KCTD3: variants seen among roughly 807,000 people sequenced by gnomAD.
KCTD3 encodes the protein BTB/POZ domain-containing protein KCTD3.
In KCTD3, 41 loss-of-function variants were observed where a neutral mutation model predicts 85.8. The observed-to-expected ratio is 0.48, with a 90% CI of 0.37 to 0.62. KCTD3 has a LOEUF of 0.62. Among genes scored for constraint, KCTD3 ranks in the 20% least tolerant of loss-of-function variants. KCTD3 has a pLI of 0.00. For missense variants in KCTD3, 724 were observed against 989.9 expected (o/e 0.73, Z 3.60); for synonymous variants, 338 against 345.4 (o/e 0.98, Z 0.24).
chr1:215,596,731 T>C (rs778198792), intron 10 of KCTD3, among the ~76,000 whole-genome samples: 3 of 152,156 alleles, frequency 2.0e-5, no homozygotes, highest in African/African-American at 4.8e-5. Context: ...ATCCAAGTGA[T>C]AGCTTAAGGA....
intron 9 of KCTD3, 108 bp from the exon 10 acceptor site, chr1:215,595,248 A>G: frequency 2.9e-6 from 2 of 686,020 alleles, no homozygotes. Flanking sequence ...CATAGTTTGT[A>G]GTAATGAGAA....
chr1:215,606,670 T>G (rs1333131766), intron 13 of KCTD3, among the ~76,000 whole-genome samples: 1 of 152,026 alleles, frequency 6.6e-6, no homozygotes, highest in East Asian at 1.9e-4. Flanking sequence ...ACATCAGATA[T>G]TTCATGTAGG....
Position 215,567,754 on chromosome 1 carries a change from C to T in KCTD3, c.69C>T (p.Asn23=). Residue 23 remains asparagine (N), a synonymous_variant, in exon 1 of 18, where the codon AAC becomes AAT. Transcript: ENST00000259154. ...AAGSGEIVQL[N]VGGTRFSTSR... is the part of the protein sequence containing the mutation. ...GCAGCGGCGAGATCGTCCAACTGAA[C>T]GTAGGGGGGACCAGGTGAGTCGGCG... is the stretch of plus-strand genomic sequence containing the variant. 5 of 1,244,850 alleles carry T rather than the reference C, an allele frequency of 4.0e-6. No individual in the cohort carries two copies. Among genetic ancestry groups the T allele is most frequent in the Non-Finnish European group, 5.1e-6 (5 of 988,246 alleles). The allele number at this position is 1,244,850 out of a possible 1,614,324, so 77.1% of individuals were successfully genotyped here.
At chr1:215,595,778 A>T (rs987799398) in intron 10 of KCTD3, among the ~76,000 whole-genome samples, 1 of 152,330 alleles carries the variant, frequency 6.6e-6, no homozygotes, top group Non-Finnish European at 1.5e-5. Flanking sequence ...AGGAGCACAG[A>T]TCTGTGTGAA....
Position 215,572,118 on chromosome 1 carries a change from C to G in KCTD3, c.84-1668C>G, listed in dbSNP as rs539161617. The stretch of plus-strand genomic sequence containing the variant: ...ATCTGTGTGTCAACACCAGTGTATT[C>G]TGAAAGTGCTCTGTTGTAACCATAA... On this transcript the variant is annotated intron_variant, in intron 1 of 17. Coordinates refer to ENST00000259154, the MANE Select transcript of KCTD3 (RefSeq NM_016121.5). 2.6e-5 allele frequency among the ~76,000 whole-genome samples: 4 copies of G among 152,288 alleles called. No individual in the cohort carries two copies. In the South Asian group the frequency reaches 8.3e-4, roughly 32 times the overall value.
intron 13 of KCTD3, among the ~76,000 whole-genome samples, chr1:215,606,858 A>G (rs1197140395): frequency 6.6e-6 from 1 of 152,000 alleles, no homozygotes; most frequent in Non-Finnish European, 1.5e-5. Context: ...GATAATGACT[A>G]ATATTAGCAA....
intron 1 of KCTD3, among the ~76,000 whole-genome samples, chr1:215,573,167 A>T (rs1659431709): frequency 6.6e-6 from 1 of 152,234 alleles, no homozygotes; most frequent in African/African-American, 2.4e-5. Context: ...AAGACTGCCT[A>T]TAAAGAAGGT....
intron 8 of KCTD3, among the ~76,000 whole-genome samples, chr1:215,580,449 A>C (rs905979162): frequency 3.9e-5 from 6 of 152,164 alleles, no homozygotes; most frequent in Non-Finnish European, 8.8e-5. Flanking sequence ...CAGGACAGTT[A>C]TTGCACAAGT....
chr1:215,578,129 G>A (rs565705517), intron 6 of KCTD3, 48 bp downstream of exon 6: 1 of 1,478,062 alleles, frequency 6.8e-7, no homozygotes, highest in African/African-American at 1.4e-5. Context: ...GTATCATTAA[G>A]CAAGTACAAG....
At chr1:215,603,347 G>C (rs1367339728) in intron 12 of KCTD3, among the ~76,000 whole-genome samples, 1 of 151,950 alleles carries the variant, frequency 6.6e-6, no homozygotes, top group African/African-American at 2.4e-5. Context: ...AGTAAAACTA[G>C]AACAGCCAGT....
At position 215,608,007 on chromosome 1, in the gene KCTD3, T is replaced by G. The variant is rs775981877; in HGVS notation, c.1310-10T>G. On this transcript the variant is annotated splice_polypyrimidine_tract_variant and intron_variant, in intron 13 of 17. Coordinates refer to ENST00000259154, the MANE Select transcript of KCTD3 (RefSeq NM_016121.5). ...ATTTTGTATTCTTTTGTGTTCTCTT[T>G]CTCTGCTAGTCTGTGCAGATAATAA... is the stretch of plus-strand genomic sequence containing the variant. 3 of 1,577,866 alleles carry G rather than the reference T, an allele frequency of 1.9e-6. No individual in the cohort carries two copies. Among genetic ancestry groups the G allele is most frequent in the Admixed American group, 2.1e-5 (1 of 48,562 alleles).
chr1:215,575,966 A>T lies in KCTD3; in HGVS notation c.249A>T (p.Leu83=). Residue 83 remains leucine (L), a synonymous_variant, in exon 4 of 18, where the codon CTA becomes CTT. Coordinates refer to ENST00000259154, the MANE Select transcript of KCTD3 (RefSeq NM_016121.5). ...TAAATTTTCTTCGGACAAAAGAACT[A>T]GACTTAAGGTAAGAAATGCACTCTT... ...PILNFLRTKE[L]DLRGVSINVL... is the part of the protein sequence containing the mutation. The T allele has an allele frequency of 1.3e-6, 2 of 1,507,044 alleles. No individual in the cohort carries two copies. Among genetic ancestry groups the T allele is most frequent in the Non-Finnish European group, 1.8e-6 (2 of 1,098,970 alleles). The allele number at this position is 1,507,044 out of a possible 1,614,324, so 93.4% of individuals were successfully genotyped here. A position where few individuals can be genotyped will look rare whatever the true frequency, so the allele number is the denominator to read the frequency against.
Position 215,601,861 on chromosome 1 carries a change from C to T in KCTD3, c.934-6C>T. 1 of 1,484,312 alleles carries T rather than the reference C, an allele frequency of 6.7e-7. No homozygotes were observed. Among genetic ancestry groups the T allele is most frequent in the Non-Finnish European group, 9.4e-7 (1 of 1,068,548 alleles). 91.9% of individuals were successfully genotyped at this position (1,484,312 alleles called of 1,614,324 possible). A position where few individuals can be genotyped will look rare whatever the true frequency, so the allele number is the denominator to read the frequency against. On this transcript the variant is annotated splice_region_variant and splice_polypyrimidine_tract_variant and intron_variant, in intron 10 of 17. Coordinates refer to ENST00000259154, the MANE Select transcript of KCTD3 (RefSeq NM_016121.5). The stretch of plus-strand genomic sequence containing the variant: ...CTAACATCTGATAATACTCTCACTA[C>T]ATCAGGTTCAAGATGTTGTTCCTAT...
intron 14 of KCTD3, among the ~76,000 whole-genome samples, chr1:215,610,261 A>G (rs1286730589): frequency 2.0e-5 from 3 of 151,864 alleles, no homozygotes; most frequent in African/African-American, 7.2e-5. Flanking sequence ...GTTGGAAGGC[A>G]GGGAAGTTCA....
chr1:215,591,572 G>A (rs1054666671), intron 9 of KCTD3, among the ~76,000 whole-genome samples: 46 of 152,072 alleles, frequency 3.0e-4, no homozygotes, highest in African/African-American at 1.1e-3. Context: ...GACCAAGATA[G>A]TCTCGATCTC....
At chr1:215,573,281 T>TTTTACC (rs1553305996) in intron 1 of KCTD3, among the ~76,000 whole-genome samples, 88 of 152,322 alleles carry the variant, frequency 5.8e-4, no homozygotes, top group African/African-American at 2.0e-3. Context: ...ACCTGAGTGG[T>TTTTACC]ATCAAGAAAG....
rs14137 is a variant in KCTD3 at position 215,620,492 on chromosome 1, G to A, written c.2322G>A (p.Ala774=). 981,347 of 1,612,826 alleles carry A rather than the reference G, an allele frequency of 0.61. 310,807 individuals are homozygous for A. The highest frequency in any genetic ancestry group is 0.66 in the Non-Finnish European group (776,581 of 1,179,136). ...GAAGAAAGAAAGTTCCCTATCTGGC[G>A]TCATCACCAAGTACTTCCGATGGAG... is the stretch of plus-strand genomic sequence containing the variant. ...FLGRKKVPYL[A]SSPSTSDGGT... is the part of the protein sequence containing the mutation. Residue 774 remains alanine, a synonymous_variant, in exon 18 of 18, where the codon GCG becomes GCA. Coordinates refer to ENST00000259154, the MANE Select transcript of KCTD3 (RefSeq NM_016121.5).
intron 9 of KCTD3, among the ~76,000 whole-genome samples, chr1:215,591,240 C>T (rs1660192669): frequency 6.6e-6 from 1 of 151,972 alleles, no homozygotes; most frequent in African/African-American, 2.4e-5. Context: ...ACCTCTTAGT[C>T]CTAAAGCAGC....
In KCTD3 at chr1:215,574,076, G is replaced by C; in HGVS notation, c.141G>C (p.Leu47Phe). The C allele has an allele frequency of 1.3e-6, 2 of 1,586,652 alleles. No homozygotes were observed. Among genetic ancestry groups the C allele is most frequent in the Non-Finnish European group, 1.7e-6 (2 of 1,160,692 alleles). The stretch of plus-strand genomic sequence containing the variant: ...TTAGATTATTAATGACTTCCAGTTT[G>C]CTGAGTGGGAGAATTTCAACACTTC... ...MWIPDSFFSS[L>F]LSGRISTLRD... The change falls in exon 3 of 18, where the codon TTG (leucine) becomes TTC (phenylalanine). Residue 47 changes from leucine (L) to phenylalanine (F), a missense_variant. Around this residue, in one of 6 missense-constraint regions of KCTD3, gnomAD observed 97 missense variants for 115.7 expected, o/e 0.84. Transcript: ENST00000259154.
Sources: allele counts gnomAD v4.1 joint callset (sites outside exome capture counted in the v4.1 genomes callset), GRCh38; gene constraint gnomAD v4.1.1; regional missense constraint gnomAD v4.1.1; transcripts MANE v1.5; gene names NCBI Gene and HGNC (gene_info 2026-07-23, HGNC 2026-07-21).